Variants in DLEC1 observed in about 807,000 individuals in gnomAD.
DLEC1 encodes the protein DLEC1 cilia and flagella associated protein.
Under a neutral mutation model 198.1 loss-of-function variants are expected in DLEC1, and 146 were observed. The ratio of observed to expected loss-of-function variants is 0.74; its 90% CI spans 0.64 to 0.85. The LOEUF (loss-of-function observed/expected upper bound fraction) is 0.85, where lower values mean the gene tolerates loss of function less well. Ranked by LOEUF, DLEC1 falls within the 40% of genes least tolerant of loss-of-function variation. DLEC1 has a pLI of 0.00. For missense variants in DLEC1, 2,233 were observed against 2,220.0 expected (o/e 1.01, Z -0.12); for synonymous variants, 897 against 866.8 (o/e 1.03, Z -0.61).
At chr3:38,064,702 G>A (rs1334090761) in intron 6 of DLEC1, among the ~76,000 whole-genome samples, 1 of 151,796 alleles carries the variant, frequency 6.6e-6, no homozygotes, top group Non-Finnish European at 1.5e-5. Flanking sequence ...TCCCAGACGG[G>A]GTCGCGGCCG....
At position 38,112,119 on chromosome 3, in the gene DLEC1, T is replaced by A. The variant is rs556662717; in HGVS notation, c.3515-91T>A. 6.4e-7 allele frequency: 1 copy of A among 1,573,572 alleles called. No individual in the cohort carries two copies. The highest frequency in any genetic ancestry group is 2.2e-5 in the East Asian group (1 of 44,580). ...CAAGGAGAGGCTGGAGGGTGGCTTA[T>A]CGGGGACAGTGCTTTGCTCACACAC... On this transcript the variant is annotated intron_variant, in intron 24 of 36. Coordinates refer to ENST00000308059, the MANE Select transcript of DLEC1 (RefSeq NM_007335.4). This position sits in a 1 kb window ranked among gnomAD's most constrained non-coding sequence, Gnocchi z 4.8.
chr3:38,039,702 A>G lies in DLEC1; in HGVS notation c.411+66A>G, dbSNP rs562764572. 6 of 1,511,732 alleles carry G rather than the reference A, an allele frequency of 4.0e-6. No homozygotes were observed. The East Asian group carries it at 1.4e-4, about 35-fold the overall frequency. The allele number at this position is 1,511,732 out of a possible 1,614,324, so 93.6% of individuals were successfully genotyped here. On this transcript the variant is annotated intron_variant, in intron 1 of 36. Coordinates refer to ENST00000308059, the MANE Select transcript of DLEC1 (RefSeq NM_007335.4). ...GTCTCAGCGCTCGGCACGCGTCAGC[A>G]CCTGCCAGGTGCCAGGCGCTGTTCC...
intron 6 of DLEC1, among the ~76,000 whole-genome samples, chr3:38,078,979 A>G (rs1201573605): frequency 2.6e-5 from 4 of 152,208 alleles, no homozygotes; most frequent in South Asian, 2.1e-4. Flanking sequence ...GCGAGTGATA[A>G]CAGGCTTTAA....
chr3:38,070,862 T>C (rs1009856465), intron 6 of DLEC1, among the ~76,000 whole-genome samples: 1 of 152,212 alleles, frequency 6.6e-6, no homozygotes, highest in Admixed American at 6.5e-5. Context: ...CTTTAGTTAC[T>C]TCAGGCCATC....
intron 9 of DLEC1, 49 bp from the exon 10 acceptor site, chr3:38,088,247 G>A: frequency 1.3e-6 from 2 of 1,531,592 alleles, no homozygotes; most frequent in South Asian, 2.3e-5. Context: ...TCTGAATACT[G>A]GCTTTTACAA....
Position 38,085,458 on chromosome 3 carries a change from A to T in DLEC1, c.1435+11A>T. On this transcript the variant is annotated intron_variant, in intron 8 of 36. Coordinates refer to ENST00000308059, the MANE Select transcript of DLEC1 (RefSeq NM_007335.4). ...CCCCCGTGCTGACATGTGAGTGTGC[A>T]CCGTAGCTTCCCACAGATTCAGTTA... The T allele has an allele frequency of 1.2e-6, 2 of 1,612,864 alleles. No homozygotes were observed. The highest frequency in any genetic ancestry group is 1.7e-6 in the Non-Finnish European group (2 of 1,179,452).
chr3:38,084,802 AC>A (rs1308004521), intron 7 of DLEC1, among the ~76,000 whole-genome samples: 1 of 151,308 alleles, frequency 6.6e-6, no homozygotes, highest in Non-Finnish European at 1.5e-5. Context: ...GACCGCCTCC[AC>A]CCAGGCACTG....
At chr3:38,083,220 G>T (rs965507414) in intron 6 of DLEC1, among the ~76,000 whole-genome samples, 1 of 151,672 alleles carries the variant, frequency 6.6e-6, no homozygotes, top group Non-Finnish European at 1.5e-5. Flanking sequence ...GGCTTTGTGT[G>T]AGCAATAAAG....
At chr3:38,057,765 T>G (rs1696452343) in intron 2 of DLEC1, among the ~76,000 whole-genome samples, 1 of 151,776 alleles carries the variant, frequency 6.6e-6, no homozygotes, top group Non-Finnish European at 1.5e-5. Flanking sequence ...ATGGTGGAGG[T>G]TAACTGTCTT....
intron 6 of DLEC1, among the ~76,000 whole-genome samples, chr3:38,082,614 G>A (rs568229643): frequency 3.9e-5 from 6 of 152,270 alleles, no homozygotes; most frequent in South Asian, 2.1e-4. Context: ...CTAGAAAAGC[G>A]GGACTTGCCG....
intron 6 of DLEC1, among the ~76,000 whole-genome samples, chr3:38,069,450 C>T (rs1697199626): frequency 2.0e-5 from 3 of 152,054 alleles, no homozygotes; most frequent in Admixed American, 1.3e-4. Flanking sequence ...TGCAGAAATA[C>T]TAGGTAAAAA....
At chr3:38,069,751 G>T (rs1020403695) in intron 6 of DLEC1, among the ~76,000 whole-genome samples, 2 of 152,220 alleles carry the variant, frequency 1.3e-5, no homozygotes, top group African/African-American at 4.8e-5. Flanking sequence ...ACTAGTGAAA[G>T]CCTTGGTAAT....
At chr3:38,054,008 G>A (rs1381560904) in intron 2 of DLEC1, among the ~76,000 whole-genome samples, 1 of 152,050 alleles carries the variant, frequency 6.6e-6, no homozygotes, top group Non-Finnish European at 1.5e-5. Flanking sequence ...TGCTCCTTAA[G>A]AGTCATCACC....
chr3:38,096,802 G>C, intron 15 of DLEC1, 65 bp downstream of exon 15: 1 of 1,517,618 alleles, frequency 6.6e-7, no homozygotes, highest in Non-Finnish European at 8.8e-7. Context: ...GCAAGTGTAG[G>C]GAGGATATAG....
chr3:38,085,433 C>G lies in DLEC1; in HGVS notation c.1421C>G (p.Pro474Arg), dbSNP rs1267631265. The change falls in exon 8 of 37, where the codon CCC (proline) becomes CGC (arginine). Residue 474 changes from proline to arginine, a missense_variant. Coordinates refer to ENST00000308059, the MANE Select transcript of DLEC1 (RefSeq NM_007335.4). ...ATCCCCCTGCAGGCCCGGAGGCCGC[C>G]CCCCGTGCTGACATGTGAGTGTGCA... is the stretch of plus-strand genomic sequence containing the variant. The part of the protein sequence containing the change: ...LLIPLQARRP[P>R]PVLTLSPVLD... 1 of 1,613,894 alleles carries G rather than the reference C, an allele frequency of 6.2e-7. No individual in the cohort carries two copies. The highest frequency in any genetic ancestry group is 1.7e-5 in the Admixed American group (1 of 60,022).
chr3:38,108,598 C>G (rs531080859), intron 21 of DLEC1, 83 bp downstream of exon 21: 1 of 1,090,282 alleles, frequency 9.2e-7, no homozygotes, highest in South Asian at 1.3e-5. Context: ...GAGGCCCTAG[C>G]TTAGGCCACA....
rs543065654 is a variant in DLEC1 at position 38,062,106 on chromosome 3, T to C, written c.674-63T>C. ...TGGCTTTGGTGGTTTTATTTGGTCA[T>C]CTTAGGAATGCCCACCTCCTCACCT... is the stretch of plus-strand genomic sequence containing the variant. On this transcript the variant is annotated intron_variant, in intron 3 of 36. Coordinates refer to ENST00000308059, the MANE Select transcript of DLEC1 (RefSeq NM_007335.4). The C allele has an allele frequency of 5.1e-6, 8 of 1,573,538 alleles. No homozygotes were observed. In the African/African-American group the frequency reaches 8.1e-5, roughly 16 times the overall value.
In DLEC1 at chr3:38,122,896, CA is replaced by C; in HGVS notation, c.*485del. The C allele has an allele frequency of 1.2e-6, 1 of 841,736 alleles. No individual in the cohort carries two copies. Among genetic ancestry groups the C allele is most frequent in the Middle Eastern group, 3.6e-4 (1 of 2,786 alleles). 52.1% of individuals were successfully genotyped at this position (841,736 alleles called of 1,614,324 possible). A position where few individuals can be genotyped will look rare whatever the true frequency, so the allele number is the denominator to read the frequency against. ...TCCTATACCATGTCATCAGTGTTCA[CA>C]TTTTCCAAATGAGTTGAAGTGCCTT... On this transcript the variant is annotated 3_prime_UTR_variant, in exon 37 of 37. Coordinates refer to ENST00000308059, the MANE Select transcript of DLEC1 (RefSeq NM_007335.4).
intron 6 of DLEC1, among the ~76,000 whole-genome samples, chr3:38,082,241 G>A (rs900931471): frequency 3.7e-5 from 5 of 135,990 alleles, no homozygotes; most frequent in African/African-American, 5.8e-5. Flanking sequence ...ATGTGATGGC[G>A]GCTGGGAAGA....
Sources: gnomAD v4.1 joint callset for allele counts (sites outside exome capture counted in the v4.1 genomes callset) on GRCh38, gnomAD v4.1.1 for gene constraint, Gnocchi (gnomAD v3.1) non-coding constraint, MANE v1.5 for transcripts, NCBI Gene and HGNC (gene_info 2026-07-23, HGNC 2026-07-21) for gene names.